The following DNAH1 variants were observed in gnomAD, a reference collection of about 807,000 sequenced individuals.
DNAH1 encodes the protein axonemal beta dynein heavy chain 1.
DNAH1 carries 327 observed loss-of-function variants against 484.3 expected under a neutral mutation model. The ratio of observed to expected loss-of-function variants is 0.68; its 90% confidence interval spans 0.62 to 0.74. The LOEUF (loss-of-function observed/expected upper bound fraction) is 0.74. DNAH1 is among the 30% of genes least tolerant of loss of function. The pLI is 0.00. For missense variants in DNAH1, 5,052 were observed against 5,546.8 expected, an observed-to-expected ratio of 0.91 and a Z score of 2.83; for synonymous variants, 2,192 against 2,191.9, an observed-to-expected ratio of 1.00 and a Z score of 0.00.
Position 52,344,521 on chromosome 3 carries a change from G to C in DNAH1, c.1318G>C (p.Glu440Gln). 1 of 1,613,998 alleles carries C rather than the reference G, an allele frequency of 6.2e-7. No individual in the cohort carries two copies. Among genetic ancestry groups the C allele is most frequent in the South Asian group, 1.1e-5 (1 of 91,088 alleles). Residue 440 changes from glutamate to glutamine, a missense_variant, in exon 9 of 78, where the codon GAA becomes CAA. By Grantham distance (29) the Glu-to-Gln change is conservative. This residue lies in a region of DNAH1 where 1,263 missense variants were observed against 1,218.8 expected (regional missense o/e 1.04). Transcript: ENST00000420323. ...AGAGCACCTCAGCAGTCTTGCCAGA[G>C]AAGTGAGCCTGGACTATGAGCGCAG... ...VLEHLSSLAR[E>Q]VSLDYERSMN...
At chr3:52,393,587 G>A (rs894081930) in intron 66 of DNAH1, 102 bp downstream of exon 66, 17 of 1,515,130 alleles carry the variant, frequency 1.1e-5, no homozygotes, top group East Asian at 7.1e-5. Context: ...TGAAGGCACC[G>A]CGAGAGCAAA....
chr3:52,349,201 C>A lies in DNAH1; in HGVS notation c.2307C>A (p.Tyr769Ter). ...GTGTGCTTGCTGTCCTCAGAACCTA[C>A]CAGACGCAGGGCCTGTTGGCCCAGG... Reference protein sequence around the residue: ...NNDIASFLKTYQTQGLLAQEV... With the variant: ...NNDIASFLKT The change falls in exon 14 of 78, where the codon TAC becomes TAA. Residue 769 changes from tyrosine to a stop codon, truncating the protein, a stop_gained. Coordinates refer to ENST00000420323, the MANE Select transcript of DNAH1 (RefSeq NM_015512.5). LOFTEE classifies it high-confidence loss of function. 2 of 1,613,462 alleles carry A rather than the reference C, an allele frequency of 1.2e-6. No homozygotes were observed. The highest frequency in any genetic ancestry group is 1.7e-5 in the Admixed American group (1 of 59,928).
chr3:52,364,663 C>G lies in DNAH1; in HGVS notation c.5270C>G (p.Ala1757Gly), dbSNP rs1702995465. The G allele has an allele frequency of 3.1e-6, 5 of 1,613,854 alleles. No individual in the cohort carries two copies. The African/African-American group carries it at 5.3e-5, about 17-fold the overall frequency. ...SQDHYDFGMR[A>G]VKTVISAAGN... ...GATCACTATGACTTCGGGATGAGAGCCGTGAAAACTGTGATCTCGGCTGCT... is the reference window on the plus strand; with the variant it reads ...GATCACTATGACTTCGGGATGAGAGGCGTGAAAACTGTGATCTCGGCTGCT... Residue 1757 changes from alanine (A) to glycine (G), a missense_variant, in exon 33 of 78, where the codon GCC becomes GGC. Physicochemically the swap from Ala to Gly is moderately conservative, Grantham distance 60. This residue lies in a region of DNAH1 where 2,929 missense variants were observed against 3,409.4 expected (regional missense o/e 0.86). Coordinates refer to ENST00000420323, the MANE Select transcript of DNAH1 (RefSeq NM_015512.5). This position sits in a 1 kb window ranked among gnomAD's most constrained non-coding sequence, Gnocchi z 4.2.
At position 52,348,989 on chromosome 3, in the gene DNAH1, C is replaced by T. The variant is rs756998658; in HGVS notation, c.2208C>T (p.Ala736=). Reference sequence around the variant, plus strand: ...AGCTACGGGCCACCATTGCCAGTGCCGTGTCCAAGGCCATGATCCCACTGC... The same window carrying T: ...AGCTACGGGCCACCATTGCCAGTGCTGTGTCCAAGGCCATGATCCCACTGC... ...VEELRATIAS[A]VSKAMIPLQA... Residue 736 remains alanine, a synonymous_variant, in exon 13 of 78, where the codon GCC becomes GCT. Transcript: ENST00000420323. 31 of 1,613,420 alleles carry T rather than the reference C, an allele frequency of 1.9e-5. No homozygotes were observed. Among genetic ancestry groups the T allele is most frequent in the South Asian group, 4.4e-5 (4 of 91,084 alleles).
rs761518027 is a variant in DNAH1 at position 52,396,505 on chromosome 3, C to T, written c.11397C>T (p.Ser3799=). Residue 3799 remains serine (S), a synonymous_variant, in exon 71 of 78, where the codon AGC becomes AGT. Transcript: ENST00000420323. The stretch of plus-strand genomic sequence containing the variant: ...CCAACCTGCTGAAGTCCTATAGTAG[C>T]CTTGGTGAAGACTTCCTCAACTCCT... ...VRANLLKSYS[S]LGEDFLNSCH... The T allele has an allele frequency of 1.9e-6, 3 of 1,610,704 alleles. No individual in the cohort carries two copies. The South Asian group carries it at 3.3e-5, about 18-fold the overall frequency.
rs943271182 is a variant in DNAH1, at chr3:52,353,432, A to T, written c.3279A>T (p.Pro1093=). The change falls in exon 20 of 78, where the codon CCA becomes CCT. Residue 1093 remains proline (P), a synonymous_variant. Coordinates refer to ENST00000420323, the MANE Select transcript of DNAH1 (RefSeq NM_015512.5). This position sits in a 1 kb window ranked among gnomAD's most constrained non-coding sequence, Gnocchi z 5.0. ...GGGCCCGCATCGAGGAGTTCAAACCATACATCCCACTGATCCAGGGGCTGC... is the reference window on the plus strand; with the variant it reads ...GGGCCCGCATCGAGGAGTTCAAACCTTACATCCCACTGATCCAGGGGCTGC... ...DIRARIEEFK[P]YIPLIQGLRN... is the part of the protein sequence containing the mutation. 2 of 1,613,760 alleles carry T rather than the reference A, an allele frequency of 1.2e-6. No individual in the cohort carries two copies. Among genetic ancestry groups the T allele is most frequent in the Non-Finnish European group, 1.7e-6 (2 of 1,179,900 alleles).
At chr3:52,374,647 C>A (rs1272490499) in intron 44 of DNAH1, 6 of 1,472,002 alleles carry the variant, frequency 4.1e-6, no homozygotes, top group Non-Finnish European at 9.5e-7. Context: ...AGTGACAATG[C>A]AGCGAAGATT....
chr3:52,351,771 C>T (rs1702391470), intron 16 of DNAH1, among the ~76,000 whole-genome samples, 191 bp from the exon 17 acceptor site: 1 of 152,200 alleles, frequency 6.6e-6, no homozygotes, highest in South Asian at 2.1e-4. Flanking sequence ...CTGATGGTGG[C>T]AGTCGCGCCT....
intron 55 of DNAH1, 89 bp from the exon 56 acceptor site, chr3:52,386,573 G>T (rs1452715293): frequency 7.1e-7 from 1 of 1,409,220 alleles, no homozygotes; most frequent in Non-Finnish European, 9.5e-7. Flanking sequence ...GTAGAGACTT[G>T]GTTGGTAGGG....
At chr3:52,321,371 C>G (rs560242040) in intron 1 of DNAH1, among the ~76,000 whole-genome samples, 2 of 152,324 alleles carry the variant, frequency 1.3e-5, no homozygotes, top group African/African-American at 4.8e-5. Context: ...CCGCCTCGGC[C>G]TCCCAAAGTG....
intron 4 of DNAH1, 107 bp from the exon 5 acceptor site, chr3:52,326,628 C>T (rs1194284502): frequency 1.3e-5 from 18 of 1,378,492 alleles, no homozygotes; most frequent in Admixed American, 2.3e-5. Context: ...AGAGGGGTCT[C>T]TCGGCCACAC....
At position 52,362,370 on chromosome 3, in the gene DNAH1, A is replaced by T. The variant is rs780901124; in HGVS notation, c.4981-18A>T. 2 of 1,609,110 alleles carry T rather than the reference A, an allele frequency of 1.2e-6. No homozygotes were observed. Among genetic ancestry groups the T allele is most frequent in the Non-Finnish European group, 1.7e-6 (2 of 1,177,360 alleles). ...TGGGCACCCTAGTCCCAGGCAAGTC[A>T]GCCTCTCCCCACTGCAGGTGGAACG... On this transcript the variant is annotated intron_variant, in intron 30 of 77. Coordinates refer to ENST00000420323, the MANE Select transcript of DNAH1 (RefSeq NM_015512.5). This position sits in a 1 kb window ranked among gnomAD's most constrained non-coding sequence, Gnocchi z 5.1.
rs1702969927 is a variant in DNAH1, at chr3:52,364,006, C to T, written c.5245-632C>T. Among the ~76,000 whole-genome samples, 1 of 152,318 alleles carries T rather than the reference C, an allele frequency of 6.6e-6. No individual in the cohort carries two copies. Among genetic ancestry groups the T allele is most frequent in the East Asian group, 1.9e-4 (1 of 5,186 alleles). On this transcript the variant is annotated intron_variant, in intron 32 of 77. Coordinates refer to ENST00000420323, the MANE Select transcript of DNAH1 (RefSeq NM_015512.5). The surrounding 1 kb of genome is among the most constrained non-coding windows in gnomAD (Gnocchi z 4.2). Reference sequence around the variant, plus strand: ...TATCCCACATGGTTTTGGAAATGCACTCAACTCTTCCCAAATAGAAATGAC... The same window carrying T: ...TATCCCACATGGTTTTGGAAATGCATTCAACTCTTCCCAAATAGAAATGAC...
rs1479022993 is a variant in DNAH1 at position 52,379,818 on chromosome 3, G to A, written c.7378-87G>A. 10 of 1,228,994 alleles carry A rather than the reference G, an allele frequency of 8.1e-6. No homozygotes were observed. The highest frequency in any genetic ancestry group is 1.5e-5 in the African/African-American group (1 of 65,504). The allele number at this position is 1,228,994 out of a possible 1,614,324, so 76.1% of individuals were successfully genotyped here. ...GGCTCCAGTCAGGGCCCCAGGAACT[G>A]GGGCCCACCCTCCCTTGCCTGGTGG... On this transcript the variant is annotated intron_variant, in intron 47 of 77. Coordinates refer to ENST00000420323, the MANE Select transcript of DNAH1 (RefSeq NM_015512.5). The surrounding 1 kb of genome is among the most constrained non-coding windows in gnomAD (Gnocchi z 4.4).
Position 52,399,174 on chromosome 3 carries a change from C to T in DNAH1, c.12414C>T (p.Ser4138=), listed in dbSNP as rs1389835960. 1.9e-6 allele frequency: 3 copies of T among 1,611,920 alleles called. No homozygotes were observed. Among genetic ancestry groups the T allele is most frequent in the Non-Finnish European group, 2.5e-6 (3 of 1,178,592 alleles). The change falls in exon 76 of 78, where the codon TCC becomes TCT. Residue 4138 remains serine (S), a synonymous_variant. Coordinates refer to ENST00000420323, the MANE Select transcript of DNAH1 (RefSeq NM_015512.5). ...LQNFARKFVI[S]IDTISFDFKV... The stretch of plus-strand genomic sequence containing the variant: ...ATTTTGCCCGCAAATTTGTCATCTC[C>T]ATTGACACCATCTCCTTTGATTTCA...
rs1472289903 is a variant in DNAH1 at position 52,400,457 on chromosome 3, A to G, written c.*11A>G. 1.9e-6 allele frequency: 3 copies of G among 1,613,866 alleles called. No homozygotes were observed. The African/African-American group carries it at 4.0e-5, about 22-fold the overall frequency. The stretch of plus-strand genomic sequence containing the variant: ...GCCCTGGACTACTAGACTCAGACAG[A>G]AGGGCTGGGGCCATTAAAGCTGAAT... On this transcript the variant is annotated 3_prime_UTR_variant, in exon 78 of 78. Transcript: ENST00000420323.
In DNAH1 at chr3:52,361,912, C is replaced by A; in HGVS notation, c.4980+146C>A. ...CCCGGGGGCACACCCTAACCCCAGTCTGTGGGCAGCTCCCAGGCCAAGCTG... is the reference window on the plus strand; with the variant it reads ...CCCGGGGGCACACCCTAACCCCAGTATGTGGGCAGCTCCCAGGCCAAGCTG... On this transcript the variant is annotated intron_variant, in intron 30 of 77. Transcript: ENST00000420323. This position sits in a 1 kb window ranked among gnomAD's most constrained non-coding sequence, Gnocchi z 5.6. 1.2e-6 allele frequency: 1 copy of A among 836,036 alleles called. No individual in the cohort carries two copies. The highest frequency in any genetic ancestry group is 1.8e-6 in the Non-Finnish European group (1 of 541,590). 51.8% of individuals were successfully genotyped at this position (836,036 alleles called of 1,614,324 possible).
intron 46 of DNAH1, among the ~76,000 whole-genome samples, chr3:52,376,623 C>T (rs1441917615): frequency 6.6e-6 from 1 of 152,164 alleles, no homozygotes; most frequent in African/African-American, 2.4e-5. Flanking sequence ...ACCAGTGCTC[C>T]CTTCGCCACT....
intron 60 of DNAH1, among the ~76,000 whole-genome samples, chr3:52,390,668 T>A (rs1559566395): frequency 6.6e-6 from 1 of 152,188 alleles, no homozygotes; most frequent in Non-Finnish European, 1.5e-5. Context: ...TGTGGGTTTC[T>A]CTGTCCATCT....
Sources: allele counts gnomAD v4.1 joint callset (sites outside exome capture counted in the v4.1 genomes callset), GRCh38; gene constraint gnomAD v4.1.1; regional missense constraint gnomAD v4.1.1; non-coding constraint Gnocchi (gnomAD v3.1); transcripts MANE v1.5; gene names NCBI Gene and HGNC (gene_info 2026-07-23, HGNC 2026-07-21).